The following NOC4L variants were observed in gnomAD, a reference collection of about 807,000 sequenced individuals.
NOC4L encodes nucleolar complex protein 4 homolog.
In NOC4L, 40 loss-of-function variants were observed where a neutral mutation model predicts 62.8. The ratio of observed to expected loss-of-function variants is 0.64; its 90% CI spans 0.49 to 0.83. NOC4L has a LOEUF of 0.83. NOC4L is among the 40% of genes least tolerant of loss of function. NOC4L has a pLI of 0.00. For synonymous variants in NOC4L, 433 were observed against 299.8 expected (o/e 1.44, Z -4.59); for missense variants, 927 against 701.9 (o/e 1.32, Z -3.62).
intron 2 of NOC4L, 82 bp from the exon 3 acceptor site, chr12:132,145,477 G>A (rs1897678238): frequency 2.3e-6 from 2 of 887,520 alleles, no homozygotes; most frequent in South Asian, 3.1e-5. Context: ...TGGGAGGGTG[G>A]AGCCAGGCCT....
At chr12:132,145,776 C>T (rs1897693403) in intron 3 of NOC4L, 111 bp downstream of exon 3, 2 of 697,772 alleles carry the variant, frequency 2.9e-6, no homozygotes, top group Non-Finnish European at 4.9e-6. Flanking sequence ...AAGCTGCTTC[C>T]TTCATGGGAG....
At chr12:132,145,374 C>T (rs1897673801) in intron 2 of NOC4L, among the ~76,000 whole-genome samples, 185 bp from the exon 3 acceptor site, 1 of 152,170 alleles carries the variant, frequency 6.6e-6, no homozygotes, top group Non-Finnish European at 1.5e-5. Context: ...GGTGCTCTTC[C>T]TGTTTGCAGG....
intron 2 of NOC4L, 152 bp downstream of exon 2, chr12:132,145,126 G>C: frequency 4.4e-6 from 5 of 1,137,988 alleles, no homozygotes; most frequent in Non-Finnish European, 6.1e-6. Context: ...GGATGGTGGC[G>C]TTGGGGCAGG....
intron 3 of NOC4L, 63 bp from the exon 4 acceptor site, chr12:132,147,218 T>C: frequency 7.8e-7 from 1 of 1,274,226 alleles, no homozygotes; most frequent in Admixed American, 3.2e-5. Flanking sequence ...CTGACTGGGC[T>C]GAGCTCTGGG....
At position 132,147,036 on chromosome 12, in the gene NOC4L, C is replaced by T. The variant is rs115755046; in HGVS notation, c.346-245C>T. On this transcript the variant is annotated intron_variant, in intron 3 of 14. Transcript: ENST00000330579. ...CCATAAAGCAGACCTGGGCTGTGTACCCTTCCCCCGCCAGACTCTGTCGTG... is the reference window on the plus strand; with the variant it reads ...CCATAAAGCAGACCTGGGCTGTGTATCCTTCCCCCGCCAGACTCTGTCGTG... Among the ~76,000 whole-genome samples the T allele has an allele frequency of 6.0e-3, 914 of 152,312 alleles. 15 individuals are homozygous for T. Among genetic ancestry groups the T allele is most frequent in the African/African-American group, 0.021 (875 of 41,572 alleles).
chr12:132,146,566 AC>A (rs1897735575), intron 3 of NOC4L, among the ~76,000 whole-genome samples: 1 of 151,762 alleles, frequency 6.6e-6, no homozygotes. Flanking sequence ...GCGCTATCTT[AC>A]CCTCCCCCTG....
rs746608443 is a variant in NOC4L, at chr12:132,148,096, C to T, written c.728C>T (p.Ala243Val). 6.2e-7 allele frequency: 1 copy of T among 1,613,458 alleles called. No individual in the cohort carries two copies. The highest frequency in any genetic ancestry group is 8.5e-7 in the Non-Finnish European group (1 of 1,179,966). ...RAELWDTWKVAHLKEHRRVFQ... is the reference protein window; with the variant it reads ...RAELWDTWKVVHLKEHRRVFQ... ...GAGCTGTGGGACACCTGGAAGGTTG[C>T]TCACCTGAAGGTGAGTTGCTTCTGG... is the stretch of plus-strand genomic sequence containing the variant. Residue 243 changes from alanine to valine, a missense_variant, in exon 7 of 15, where the codon GCT becomes GTT. Transcript: ENST00000330579.
At chr12:132,147,601 G>A (rs201201651) in intron 4 of NOC4L, 32 bp from the exon 5 acceptor site, 452 of 1,608,764 alleles carry the variant, frequency 2.8e-4, no homozygotes, top group Non-Finnish European at 3.6e-4. Context: ...ATGCTGGGCC[G>A]GGCAGGGCTG....
Position 132,147,146 on chromosome 12 carries a change from G to A in NOC4L, c.346-135G>A, listed in dbSNP as rs562102631. 673 of 568,328 alleles carry A rather than the reference G, an allele frequency of 1.2e-3. 1 individual carries two copies. Among genetic ancestry groups the A allele is most frequent in the Middle Eastern group, 7.9e-3 (17 of 2,144 alleles). The allele number at this position is 568,328 out of a possible 1,614,324, so 35.2% of individuals were successfully genotyped here. A position where few individuals can be genotyped will look rare whatever the true frequency, so the allele number is the denominator to read the frequency against. ...AGCCCAGAGTGGCATCTGGTGGCGT[G>A]TGGAGCAAGAGAAGGCCCGGCCGCC... On this transcript the variant is annotated intron_variant, in intron 3 of 14. Transcript: ENST00000330579.
chr12:132,152,283 T>C lies in NOC4L; in HGVS notation c.1433T>C (p.Ile478Thr), dbSNP rs1388907004. The C allele has an allele frequency of 6.4e-7, 1 of 1,569,134 alleles. No individual in the cohort carries two copies. Among genetic ancestry groups the C allele is most frequent in the African/African-American group, 1.4e-5 (1 of 73,700 alleles). Residue 478 changes from isoleucine to threonine, a missense_variant and splice_region_variant, in exon 15 of 15, where the codon ATC becomes ACC. Transcript: ENST00000330579. Reference protein sequence around the residue: ...APLLELTAYEIFERDLKKKGP... With the variant: ...APLLELTAYETFERDLKKKGP... ...GCCGCCGTGCTTTGTGCTTTGCAGATCTTTGAGCGGGACCTGAAGAAGAAG... is the reference window on the plus strand; with the variant it reads ...GCCGCCGTGCTTTGTGCTTTGCAGACCTTTGAGCGGGACCTGAAGAAGAAG...
In NOC4L at chr12:132,148,631, C is replaced by T. The variant is rs957727026; in HGVS notation, c.761C>T (p.Ala254Val). 2.6e-6 allele frequency: 4 copies of T among 1,548,974 alleles called. No homozygotes were observed. Among genetic ancestry groups the T allele is most frequent in the South Asian group, 1.2e-5 (1 of 83,968 alleles). ...HLKEHRRVFQ[A>V]MWLSFLKHKL... ...CAGGAGCACAGGAGGGTTTTCCAGG[C>T]CATGTGGCTCAGCTTCCTCAAGCAC... Residue 254 changes from alanine (A) to valine (V), a missense_variant, in exon 8 of 15, where the codon GCC becomes GTC. Transcript: ENST00000330579.
At position 132,147,668 on chromosome 12, in the gene NOC4L, C is replaced by G. The variant is rs1371100656; in HGVS notation, c.489C>G (p.Asp163Glu). Residue 163 changes from aspartate (D) to glutamate (E), a missense_variant, in exon 5 of 15, where the codon GAC (aspartate) becomes GAG (glutamate). Physicochemically the swap from Asp to Glu is conservative, Grantham distance 45. Coordinates refer to ENST00000330579, the MANE Select transcript of NOC4L (RefSeq NM_024078.3). ...VVGGLLSPEE[D>E]QSLLLSQFRE... ...GAGGCCTGCTGTCTCCTGAGGAGGA[C>G]CAGAGCCTGCTCCTGTCCCAGTTCC... is the stretch of plus-strand genomic sequence containing the variant. The G allele has an allele frequency of 6.2e-7, 1 of 1,612,776 alleles. No individual in the cohort carries two copies. The highest frequency in any genetic ancestry group is 8.5e-7 in the Non-Finnish European group (1 of 1,179,946).
rs1565962652 is a variant in NOC4L, at chr12:132,152,371, A to G, written c.1521A>G (p.Glu507=). 3.2e-6 allele frequency: 5 copies of G among 1,578,470 alleles called. No homozygotes were observed. Among genetic ancestry groups the G allele is most frequent in the Non-Finnish European group, 3.4e-6 (4 of 1,161,386 alleles). The change falls in exon 15 of 15, where the codon GAA becomes GAG. Residue 507 remains glutamate (E), a synonymous_variant. Coordinates refer to ENST00000330579, the MANE Select transcript of NOC4L (RefSeq NM_024078.3). ...PAQGLLGRPG[E]LCAQHFTLS ...AGGGCCTGCTGGGACGGCCGGGTGA[A>G]CTCTGTGCCCAGCACTTCACGCTCA...
rs1340139668 is a variant in NOC4L at position 132,148,972 on chromosome 12, CT to C, written c.901+78del. On this transcript the variant is annotated intron_variant, in intron 9 of 14. Coordinates refer to ENST00000330579, the MANE Select transcript of NOC4L (RefSeq NM_024078.3). ...CCGCCGCCTCACTCCTACCACACCC[CT>C]AATCCCCTCGGTGAGTGCCGCCGCC... 14 of 265,134 alleles carry C rather than the reference CT, an allele frequency of 5.3e-5. 1 individual carries two copies. Among genetic ancestry groups the C allele is most frequent in the East Asian group, 1.9e-4 (4 of 20,774 alleles). The allele number at this position is 265,134 out of a possible 1,614,324, so 16.4% of individuals were successfully genotyped here.
At chr12:132,148,309 C>T (rs1257225666) in intron 7 of NOC4L, among the ~76,000 whole-genome samples, 2 of 152,218 alleles carry the variant, frequency 1.3e-5, no homozygotes, top group African/African-American at 2.4e-5. Context: ...GGTCAGAGGC[C>T]ACCGCCGCCT....
rs1288228713 is a variant in NOC4L, at chr12:132,148,905, G to C, written c.901+10G>C. The C allele has an allele frequency of 3.1e-6, 4 of 1,278,516 alleles. No homozygotes were observed. Among genetic ancestry groups the C allele is most frequent in the African/African-American group, 1.6e-5 (1 of 63,550 alleles). 79.2% of individuals were successfully genotyped at this position (1,278,516 alleles called of 1,614,324 possible). On this transcript the variant is annotated intron_variant, in intron 9 of 14. Coordinates refer to ENST00000330579, the MANE Select transcript of NOC4L (RefSeq NM_024078.3). ...CGCGCCTGCGACCTCGGTGAGTGCCGCCGCCTCGCTCACACCACACCCCTA... is the reference window on the plus strand; with the variant it reads ...CGCGCCTGCGACCTCGGTGAGTGCCCCCGCCTCGCTCACACCACACCCCTA...
intron 13 of NOC4L, 49 bp downstream of exon 13, chr12:132,151,869 C>T: frequency 1.3e-6 from 2 of 1,568,038 alleles, no homozygotes; most frequent in Non-Finnish European, 1.7e-6. Flanking sequence ...CATCCTTCGG[C>T]CCCTCAGAAA....
At chr12:132,147,475 G>A (rs1443318847) in intron 4 of NOC4L, 87 bp downstream of exon 4, 3 of 1,449,218 alleles carry the variant, frequency 2.1e-6, no homozygotes, top group South Asian at 2.5e-5. Flanking sequence ...GGCCTGCTGA[G>A]CTGAGCCTGG....
At position 132,145,643 on chromosome 12, in the gene NOC4L, G is replaced by A. The variant is rs1897687148; in HGVS notation, c.323G>A (p.Gly108Asp). Reference sequence around the variant, plus strand: ...TGCAATCGCTTGGGAGAGCTCCTGGGCCACCCCTCCTTTCAGGTCAAGGTG... The same window carrying A: ...TGCAATCGCTTGGGAGAGCTCCTGGACCACCCCTCCTTTCAGGTCAAGGTG... The part of the protein sequence containing the change: ...SCCNRLGELL[G>D]HPSFQVKELA... The change falls in exon 3 of 15, where the codon GGC (glycine) becomes GAC (aspartate). Residue 108 changes from glycine to aspartate, a missense_variant. By Grantham distance (94) the Gly-to-Asp change is moderately conservative (BLOSUM62 -1). Transcript: ENST00000330579. The A allele has an allele frequency of 3.7e-6, 6 of 1,613,244 alleles. No homozygotes were observed. In the South Asian group the frequency reaches 6.6e-5, roughly 18 times the overall value.
Sources: allele counts gnomAD v4.1 joint callset (sites outside exome capture counted in the v4.1 genomes callset), GRCh38; gene constraint gnomAD v4.1.1; transcripts MANE v1.5; gene names NCBI Gene and HGNC (gene_info 2026-07-23, HGNC 2026-07-21).